CYTH3: variants seen among roughly 807,000 people sequenced by gnomAD.
CYTH3 encodes cytohesin-3.
A neutral mutation model predicts 55.1 loss-of-function variants in CYTH3; 23 were observed. That is an observed-to-expected ratio of 0.42 (90% CI 0.30 to 0.59). The LOEUF is 0.59. Among genes scored for constraint, CYTH3 ranks in the 20% least tolerant of loss-of-function variants. CYTH3 has a pLI of 0.20. For missense variants in CYTH3, 413 were observed against 524.8 expected, an observed-to-expected ratio of 0.79 and a Z score of 2.08; for synonymous variants, 249 against 194.9, an observed-to-expected ratio of 1.28 and a Z score of -2.31.
At chr7:6,236,697 G>A (rs916099515) in intron 1 of CYTH3, among the ~76,000 whole-genome samples, 3 of 152,054 alleles carry the variant, frequency 2.0e-5, no homozygotes, top group African/African-American at 7.3e-5. Context: ...GAGTAACTGG[G>A]ATTACAGGCG....
intron 1 of CYTH3, among the ~76,000 whole-genome samples, chr7:6,209,676 GCTTT>G (rs1450745179): frequency 6.6e-6 from 1 of 152,146 alleles, no homozygotes; most frequent in Non-Finnish European, 1.5e-5. Flanking sequence ...ATTTATAGCA[GCTTT>G]ATTTATAATT....
intron 1 of CYTH3, among the ~76,000 whole-genome samples, chr7:6,222,775 CA>C (rs546893821): frequency 1.5e-4 from 22 of 142,494 alleles, no homozygotes; most frequent in Admixed American, 1.3e-3. Flanking sequence ...CCCAAAAAAG[CA>C]AAAAAAAAAC....
chr7:6,260,514 C>T (rs991422361), intron 1 of CYTH3, among the ~76,000 whole-genome samples: 86 of 152,208 alleles, frequency 5.7e-4, no homozygotes, highest in African/African-American at 2.0e-3. Context: ...TTTCCTTCAG[C>T]AAAGACACAC....
intron 4 of CYTH3, among the ~76,000 whole-genome samples, chr7:6,186,060 C>T (rs982918707): frequency 5.9e-5 from 9 of 151,626 alleles, no homozygotes; most frequent in African/African-American, 1.7e-4. Context: ...CTGGCTAACA[C>T]AGTGAAACCC....
At chr7:6,172,666 T>A in intron 6 of CYTH3, 2 of 1,029,870 alleles carry the variant, frequency 1.9e-6, no homozygotes, top group African/African-American at 3.5e-5. Context: ...CGCCAGAGAC[T>A]GATGGACTGA....
intron 1 of CYTH3, among the ~76,000 whole-genome samples, chr7:6,268,419 C>T (rs528149347): frequency 6.6e-6 from 1 of 152,308 alleles, no homozygotes; most frequent in South Asian, 2.1e-4. Context: ...ATCCACCCGC[C>T]TCGGCCTCCC....
chr7:6,190,428 GTTT>G lies in CYTH3; in HGVS notation c.117+18_117+20del, dbSNP rs377416706. On this transcript the variant is annotated intron_variant, in intron 2 of 12. Transcript: ENST00000350796. ...CAAAAAACAGAGTTTTGGATTTTTG[GTTT>G]TTTTTTTTTTTTTTTACCTCAATGT... 8,701 of 1,235,834 alleles carry G rather than the reference GTTT, an allele frequency of 7.0e-3. No homozygotes were observed. Among genetic ancestry groups the G allele is most frequent in the East Asian group, 8.9e-3 (271 of 30,602 alleles). The allele number at this position is 1,235,834 out of a possible 1,614,324, so 76.6% of individuals were successfully genotyped here.
intron 6 of CYTH3, chr7:6,172,781 A>G: frequency 7.8e-7 from 1 of 1,274,946 alleles, no homozygotes; most frequent in South Asian, 1.3e-5. Context: ...GCAATCTGAT[A>G]AGCCTGAACT....
At chr7:6,199,188 T>A (rs1462463021) in intron 1 of CYTH3, among the ~76,000 whole-genome samples, 9 of 152,356 alleles carry the variant, frequency 5.9e-5, no homozygotes, top group Non-Finnish European at 1.2e-4. Context: ...TCTCAGGCAC[T>A]AGCCTTCCAC....
intron 3 of CYTH3, 21 bp downstream of exon 3, chr7:6,187,636 G>C (rs772937887): frequency 6.2e-7 from 1 of 1,600,242 alleles, no homozygotes; most frequent in Non-Finnish European, 8.6e-7. Context: ...ATAGCTTAAA[G>C]GTGTAGCCAC....
Position 6,260,258 on chromosome 7 carries a change from CAAT to C in CYTH3, c.34+12213_34+12215del, listed in dbSNP as rs958229893. On this transcript the variant is annotated intron_variant, in intron 1 of 12. Coordinates refer to ENST00000350796, the MANE Select transcript of CYTH3 (RefSeq NM_004227.4). The stretch of plus-strand genomic sequence containing the variant: ...CAAACCCGCTTTTTAAAGGATCTGC[CAAT>C]AATTTCTTAAAACTATATCTACCTC... Among the ~76,000 whole-genome samples, 70 of 152,176 alleles carry C rather than the reference CAAT, an allele frequency of 4.6e-4. 1 individual carries two copies. Among genetic ancestry groups the C allele is most frequent in the African/African-American group, 1.6e-3 (66 of 41,494 alleles).
rs556435715 is a variant in CYTH3 at position 6,195,000 on chromosome 7, T to A, written c.35-4469A>T. On this transcript the variant is annotated intron_variant, in intron 1 of 12. Transcript: ENST00000350796. ...CAAAAAATAAATAAATAAATAATTT[T>A]AAAAAAAGAAAAAAGAAAGAGACAA... is the stretch of plus-strand genomic sequence containing the variant. Among the ~76,000 whole-genome samples the A allele has an allele frequency of 1.6e-4, 24 of 151,314 alleles. No individual in the cohort carries two copies. The South Asian group carries it at 4.4e-3, about 28-fold the overall frequency.
intron 1 of CYTH3, among the ~76,000 whole-genome samples, chr7:6,199,204 T>C (rs1316081430): frequency 2.0e-5 from 3 of 152,186 alleles, no homozygotes; most frequent in African/African-American, 7.2e-5. Flanking sequence ...TCCACAAACT[T>C]AGATCTGCAA....
rs947210796 is a variant in CYTH3, at chr7:6,170,284, C to G, written c.823+251G>C. The G allele has an allele frequency of 1.2e-5, 6 of 512,572 alleles. No homozygotes were observed. The highest frequency in any genetic ancestry group is 8.2e-5 in the South Asian group (3 of 36,620). The allele number at this position is 512,572 out of a possible 1,614,324, so 31.8% of individuals were successfully genotyped here. ...CCCTGGCTGGATCTGGATGCTAACTCAGCAGTTTTCTGGGACGGGCCGTGC... is the reference window on the plus strand; with the variant it reads ...CCCTGGCTGGATCTGGATGCTAACTGAGCAGTTTTCTGGGACGGGCCGTGC... On this transcript the variant is annotated intron_variant, in intron 9 of 12. Transcript: ENST00000350796. This position sits in a 1 kb window ranked among gnomAD's most constrained non-coding sequence, Gnocchi z 7.8.
chr7:6,184,902 A>C (rs1783598127), intron 4 of CYTH3, among the ~76,000 whole-genome samples: 1 of 152,182 alleles, frequency 6.6e-6, no homozygotes, highest in African/African-American at 2.4e-5. Context: ...TTAAAAAATA[A>C]GTATTTATTT....
chr7:6,232,610 A>G (rs1407777788), intron 1 of CYTH3, among the ~76,000 whole-genome samples: 1 of 152,084 alleles, frequency 6.6e-6, no homozygotes, highest in African/African-American at 2.4e-5. Flanking sequence ...ACAATTTGGA[A>G]ATCATTTTGC....
rs542015553 is a variant in CYTH3 at position 6,186,113 on chromosome 7, G to A, written c.249+937C>T. On this transcript the variant is annotated intron_variant, in intron 4 of 12. Transcript: ENST00000350796. Reference sequence around the variant, plus strand: ...CAAAAAATTAGCCGGGCGTGGTGGCGGGCGCCTGTAGTCTCAGCTACCCGG... The same window carrying A: ...CAAAAAATTAGCCGGGCGTGGTGGCAGGCGCCTGTAGTCTCAGCTACCCGG... Among the ~76,000 whole-genome samples, 724 of 151,396 alleles carry A rather than the reference G, an allele frequency of 4.8e-3. 2 individuals carry two copies. Among genetic ancestry groups the A allele is most frequent in the Non-Finnish European group, 7.5e-3 (510 of 67,788 alleles).
chr7:6,193,067 G>T (rs927874379), intron 1 of CYTH3, among the ~76,000 whole-genome samples: 1 of 151,994 alleles, frequency 6.6e-6, no homozygotes, highest in African/African-American at 2.4e-5. Flanking sequence ...AGTTACTGGG[G>T]AGGCTGAGGC....
chr7:6,178,566 C>G lies in CYTH3; in HGVS notation c.250-625G>C, dbSNP rs115034029. The stretch of plus-strand genomic sequence containing the variant: ...CTGCCTTGAACACTTATGTGATGAC[C>G]AGAGCCACAGTGGCCATCTCACATG... On this transcript the variant is annotated intron_variant, in intron 4 of 12. Coordinates refer to ENST00000350796, the MANE Select transcript of CYTH3 (RefSeq NM_004227.4). Among the ~76,000 whole-genome samples the G allele has an allele frequency of 8.5e-3, 1,296 of 152,336 alleles. 19 individuals are homozygous for G. Among genetic ancestry groups the G allele is most frequent in the African/African-American group, 0.03 (1,231 of 41,556 alleles).
Sources: gnomAD v4.1 joint callset for allele counts (sites outside exome capture counted in the v4.1 genomes callset) on GRCh38, gnomAD v4.1.1 for gene constraint, Gnocchi (gnomAD v3.1) non-coding constraint, MANE v1.5 for transcripts, NCBI Gene and HGNC (gene_info 2026-07-23, HGNC 2026-07-21) for gene names.